Variants in CKMT1B observed in about 807,000 individuals in gnomAD.
CKMT1B encodes creatine kinase, mitochondrial 1B.
CKMT1B carries 13 observed loss-of-function variants against 21.8 expected under a neutral mutation model. That is an observed-to-expected ratio of 0.60 (90% CI 0.39 to 0.95). The LOEUF (loss-of-function observed/expected upper bound fraction) is 0.95, where lower values mean the gene tolerates loss of function less well. Ranked by LOEUF, CKMT1B falls within the 40% of genes least tolerant of loss-of-function variation. The probability of loss-of-function intolerance (pLI) is 0.00; values close to 1 mark genes in which losing one functional copy is unlikely to be tolerated. For missense variants in CKMT1B, 157 were observed against 227.5 expected (o/e 0.69, Z 1.99); for synonymous variants, 50 against 80.3 (o/e 0.62, Z 2.02).
At chr15:43,599,082 A>G (rs2085636438) in intron 8 of CKMT1B, 75 bp from the exon 9 acceptor site, 7 of 1,591,910 alleles carry the variant, frequency 4.4e-6, no homozygotes, top group Non-Finnish European at 6.0e-6. Context: ...GCAATTGGAA[A>G]TGAGCAGGCA....
Position 43,598,717 on chromosome 15 carries a change from A to C in CKMT1B, c.1012-110A>C, listed in dbSNP as rs1202940087. ...AAAATTAAAAAAGAAAAAAGAAAAA[A>C]GGAAAAAAAAAGTTCAGGAGACAGA... On this transcript the variant is annotated intron_variant, in intron 7 of 8. Transcript: ENST00000441322. 1.4e-4 allele frequency: 195 copies of C among 1,422,838 alleles called. 3 individuals carry two copies. Among genetic ancestry groups the C allele is most frequent in the Non-Finnish European group, 1.8e-4 (190 of 1,076,728 alleles). The allele number at this position is 1,422,838 out of a possible 1,614,324, so 88.1% of individuals were successfully genotyped here.
At chr15:43,596,705 A>G in intron 6 of CKMT1B, 174 bp downstream of exon 6, 1 of 957,246 alleles carries the variant, frequency 1.0e-6, no homozygotes, top group Non-Finnish European at 1.5e-6. Flanking sequence ...CATACTGGGA[A>G]AACCAGGACA....
intron 6 of CKMT1B, 122 bp downstream of exon 6, chr15:43,596,653 C>T: frequency 6.8e-7 from 1 of 1,476,268 alleles, no homozygotes; most frequent in Middle Eastern, 1.8e-4. Flanking sequence ...AAAGGACTAT[C>T]TAGGACTCAC....
intron 7 of CKMT1B, 141 bp from the exon 8 acceptor site, chr15:43,598,685 TC>T: frequency 8.1e-7 from 1 of 1,231,626 alleles, no homozygotes. Context: ...AGAGACCCTG[TC>T]TAAAAAAAAT....
At position 43,599,371 on chromosome 15, in the gene CKMT1B, G is replaced by C. The variant is rs2085645092; in HGVS notation, c.*98G>C. 19 of 1,591,122 alleles carry C rather than the reference G, an allele frequency of 1.2e-5. No homozygotes were observed. In the South Asian group the frequency reaches 2.1e-4, roughly 17 times the overall value. On this transcript the variant is annotated 3_prime_UTR_variant, in exon 9 of 9. Transcript: ENST00000441322. Reference sequence around the variant, plus strand: ...CTCTGGACCTGCCCCCGCATCCCCTGCCTCCATCCTAGTAAAGACTCCTTG... The same window carrying C: ...CTCTGGACCTGCCCCCGCATCCCCTCCCTCCATCCTAGTAAAGACTCCTTG...
Position 43,595,967 on chromosome 15 carries a change from G to C in CKMT1B, c.556G>C (p.Glu186Gln). ...PPACTRAERR[E>Q]VERVVVDALS... ...AGCTTGCACTCGAGCAGAGCGACGAGAGGTGGAACGTGTTGTGGTGGATGC... is the reference window on the plus strand; with the variant it reads ...AGCTTGCACTCGAGCAGAGCGACGACAGGTGGAACGTGTTGTGGTGGATGC... The change falls in exon 4 of 9, where the codon GAG becomes CAG. Residue 186 changes from glutamate (E) to glutamine (Q), a missense_variant. Physicochemically the swap from Glu to Gln is conservative, Grantham distance 29. Coordinates refer to ENST00000441322, the MANE Select transcript of CKMT1B (RefSeq NM_001375484.1). 1 of 147,774 alleles carries C rather than the reference G, an allele frequency of 6.8e-6. No homozygotes were observed. The highest frequency in any genetic ancestry group is 4.3e-5 in the South Asian group (1 of 23,064). 9.2% of individuals were successfully genotyped at this position (147,774 alleles called of 1,614,324 possible).
Position 43,598,555 on chromosome 15 carries a change from C to A in CKMT1B, c.1011+228C>A, listed in dbSNP as rs543706626. 2.0e-5 allele frequency among the ~76,000 whole-genome samples: 3 copies of A among 148,664 alleles called. 1 individual carries two copies. In the East Asian group the frequency reaches 6.1e-4, roughly 30 times the overall value. ...CAGCCTGGGCAACCTGGTGAAACCC[C>A]ATCTCTACTACAAATACAAAAGTTA... On this transcript the variant is annotated intron_variant, in intron 7 of 8. Coordinates refer to ENST00000441322, the MANE Select transcript of CKMT1B (RefSeq NM_001375484.1).
intron 6 of CKMT1B, chr15:43,597,357 G>A: frequency 9.1e-7 from 1 of 1,102,530 alleles, no homozygotes; most frequent in Non-Finnish European, 1.2e-6. Flanking sequence ...TTGGGATAAT[G>A]AGATTTTCTA....
In CKMT1B at chr15:43,596,078, G is replaced by A. The variant is rs1460693654; in HGVS notation, c.666+1G>A. On this transcript the variant is annotated splice_donor_variant, in intron 4 of 8. Coordinates refer to ENST00000441322, the MANE Select transcript of CKMT1B (RefSeq NM_001375484.1). LOFTEE classifies it high-confidence loss of function. ...GGCTGAACAGCAGCAGCTTATTGAT[G>A]TGAGGGCCTTAAGAGGGTGCTGGTT... 2 of 257,474 alleles carry A rather than the reference G, an allele frequency of 7.8e-6. No individual in the cohort carries two copies. Among genetic ancestry groups the A allele is most frequent in the South Asian group, 2.6e-5 (1 of 38,712 alleles). The allele number at this position is 257,474 out of a possible 1,614,324, so 15.9% of individuals were successfully genotyped here. A position where few individuals can be genotyped will look rare whatever the true frequency, so the allele number is the denominator to read the frequency against.
At chr15:43,596,616 A>C (rs1343115786) in intron 6 of CKMT1B, 85 bp downstream of exon 6, 9 of 1,595,012 alleles carry the variant, frequency 5.6e-6, no homozygotes, top group South Asian at 4.5e-5. Context: ...TAATTTACCA[A>C]CCAACCCAGG....
intron 6 of CKMT1B, among the ~76,000 whole-genome samples, chr15:43,596,793 A>C (rs1370648992): frequency 6.7e-6 from 1 of 149,890 alleles, no homozygotes; most frequent in Non-Finnish European, 1.5e-5. Flanking sequence ...CAGAGAGTGC[A>C]AAGAAGGAAT....
chr15:43,599,337 T>C lies in CKMT1B; in HGVS notation c.*64T>C. On this transcript the variant is annotated 3_prime_UTR_variant, in exon 9 of 9. Coordinates refer to ENST00000441322, the MANE Select transcript of CKMT1B (RefSeq NM_001375484.1). ...TTCTGCTCATTCTAATGATGGCCCATTCTACTTGCTCTGGACCTGCCCCCG... is the reference window on the plus strand; with the variant it reads ...TTCTGCTCATTCTAATGATGGCCCACTCTACTTGCTCTGGACCTGCCCCCG... The C allele has an allele frequency of 1.9e-6, 3 of 1,612,712 alleles. No homozygotes were observed. The highest frequency in any genetic ancestry group is 2.5e-6 in the Non-Finnish European group (3 of 1,179,224).
intron 8 of CKMT1B, 51 bp from the exon 9 acceptor site, chr15:43,599,106 T>C (rs373836151): frequency 1.2e-6 from 2 of 1,608,474 alleles, no homozygotes; most frequent in Admixed American, 1.7e-5. Context: ...CAGTCAGTGA[T>C]AAAGAAAAAC....
chr15:43,598,127 T>G, intron 6 of CKMT1B, 66 bp from the exon 7 acceptor site: 2 of 1,600,396 alleles, frequency 1.2e-6, no homozygotes, highest in African/African-American at 2.8e-5. Context: ...TGGGTCTAGC[T>G]AAGGGAGGGT....
At chr15:43,596,128 G>A in intron 4 of CKMT1B, 51 bp downstream of exon 4, 1 of 337,722 alleles carries the variant, frequency 3.0e-6, no homozygotes, top group Non-Finnish European at 4.9e-6. Flanking sequence ...GGGAAGGCTG[G>A]GCCAGATGAG....
chr15:43,596,031 A>G lies in CKMT1B; in HGVS notation c.620A>G (p.Tyr207Cys). The G allele has an allele frequency of 4.9e-6, 1 of 202,814 alleles. No homozygotes were observed. The highest frequency in any genetic ancestry group is 1.2e-4 in the East Asian group (1 of 8,526). The allele number at this position is 202,814 out of a possible 1,614,324, so 12.6% of individuals were successfully genotyped here. The change falls in exon 4 of 9, where the codon TAT (tyrosine) becomes TGT (cysteine). Residue 207 changes from tyrosine to cysteine, a missense_variant. Tyr to Cys is a radical substitution (Grantham distance 194). Transcript: ENST00000441322. ...GLKGDLAGRY[Y>C]RLSEMTEAEQ... Reference sequence around the variant, plus strand: ...AAGGGTGACCTGGCTGGACGTTACTATAGGCTCAGTGAGATGACAGAGGCT... The same window carrying G: ...AAGGGTGACCTGGCTGGACGTTACTGTAGGCTCAGTGAGATGACAGAGGCT...
rs144997771 is a variant in CKMT1B, at chr15:43,598,873, G to C, written c.1058G>C (p.Arg353Pro). 2 of 1,608,942 alleles carry C rather than the reference G, an allele frequency of 1.2e-6. No individual in the cohort carries two copies. Among genetic ancestry groups the C allele is most frequent in the Non-Finnish European group, 8.5e-7 (1 of 1,179,516 alleles). ...KILENLRLQK[R>P]GTGGVDTAAT... Reference sequence around the variant, plus strand: ...CTGGAGAACCTAAGACTCCAAAAACGTGGTACTGGAGGAGTGGACACTGCT... The same window carrying C: ...CTGGAGAACCTAAGACTCCAAAAACCTGGTACTGGAGGAGTGGACACTGCT... Residue 353 changes from arginine (R) to proline (P), a missense_variant, in exon 8 of 9, where the codon CGT becomes CCT. Physicochemically the swap from Arg to Pro is moderately radical, Grantham distance 103 (BLOSUM62 -2). Coordinates refer to ENST00000441322, the MANE Select transcript of CKMT1B (RefSeq NM_001375484.1).
rs1169182599 is a variant in CKMT1B, at chr15:43,599,257, T to A, written c.1238T>A (p.Ile413Asn). The A allele has an allele frequency of 3.1e-6, 5 of 1,613,644 alleles. No individual in the cohort carries two copies. The South Asian group carries it at 5.5e-5, about 18-fold the overall frequency. The change falls in exon 9 of 9, where the codon ATC (isoleucine) becomes AAC (asparagine). Residue 413 changes from isoleucine to asparagine, a missense_variant. Physicochemically the swap from Ile to Asn is moderately radical, Grantham distance 149. Transcript: ENST00000441322. ...GQDIRIPTPV[I>N]HTKH ...GATATCCGCATCCCCACACCTGTCA[T>A]CCACACCAAGCATTAACTCCCCATC... is the stretch of plus-strand genomic sequence containing the variant.
chr15:43,599,153 T>C lies in CKMT1B; in HGVS notation c.1138-4T>C. ...GAAGCAGATCAAAGATTAGTGTCCC[T>C]TAGGTGGAGCTGGTGCAACTGGTCA... On this transcript the variant is annotated splice_region_variant and splice_polypyrimidine_tract_variant and intron_variant, in intron 8 of 8. Coordinates refer to ENST00000441322, the MANE Select transcript of CKMT1B (RefSeq NM_001375484.1). 1 of 1,613,688 alleles carries C rather than the reference T, an allele frequency of 6.2e-7. No homozygotes were observed. Among genetic ancestry groups the C allele is most frequent in the Non-Finnish European group, 8.5e-7 (1 of 1,179,842 alleles).
Sources: gnomAD v4.1 joint callset for allele counts (sites outside exome capture counted in the v4.1 genomes callset) on GRCh38, gnomAD v4.1.1 for gene constraint, MANE v1.5 for transcripts, NCBI Gene and HGNC (gene_info 2026-07-23, HGNC 2026-07-21) for gene names.